MCF2L2: variants seen among roughly 807,000 people sequenced by gnomAD.
The protein encoded by MCF2L2 is probable guanine nucleotide exchange factor MCF2L2.
A neutral mutation model predicts 150.2 loss-of-function variants in MCF2L2; 102 were observed. The ratio of observed to expected loss-of-function variants is 0.68; its 90% CI spans 0.58 to 0.80. The LOEUF is 0.80. Among genes scored for constraint, MCF2L2 ranks in the 30% least tolerant of loss-of-function variants. The pLI is 0.00. For missense variants in MCF2L2, 1,256 were observed against 1,372.8 expected (o/e 0.91, Z 1.34); for synonymous variants, 465 against 491.3 (o/e 0.95, Z 0.71).
intron 3 of MCF2L2, among the ~76,000 whole-genome samples, chr3:183,368,355 T>G (rs1712663302): frequency 6.6e-6 from 1 of 152,170 alleles, no homozygotes; most frequent in Non-Finnish European, 1.5e-5. Flanking sequence ...CACCCCACTC[T>G]CATCTTTGTA....
chr3:183,212,387 T>G (rs530150448), intron 22 of MCF2L2, among the ~76,000 whole-genome samples: 1 of 152,264 alleles, frequency 6.6e-6, no homozygotes, highest in African/African-American at 2.4e-5. Context: ...AACCTGATGG[T>G]TGTGAACTCA....
chr3:183,338,893 G>C lies in MCF2L2; in HGVS notation c.393C>G (p.Leu131=), dbSNP rs1312631129. The change falls in exon 5 of 30, where the codon CTC becomes CTG. Residue 131 remains leucine, a synonymous_variant. Transcript: ENST00000328913. ...IAVAFPGNLQ[L]IFILRPSRFI... is the part of the protein sequence containing the mutation. ...AGCGAGATGGACGAAGGATGAATATGAGCTGTAAGTTTCCTGGAAATGCCA... is the reference window on the plus strand; with the variant it reads ...AGCGAGATGGACGAAGGATGAATATCAGCTGTAAGTTTCCTGGAAATGCCA... 2 of 1,603,528 alleles carry C rather than the reference G, an allele frequency of 1.2e-6. No homozygotes were observed. Among genetic ancestry groups the C allele is most frequent in the Non-Finnish European group, 1.7e-6 (2 of 1,172,480 alleles).
At chr3:183,317,478 C>T (rs778078629) in intron 7 of MCF2L2, among the ~76,000 whole-genome samples, 15 of 152,126 alleles carry the variant, frequency 9.9e-5, no homozygotes, top group Non-Finnish European at 1.6e-4. Flanking sequence ...CAGGTTCTGA[C>T]GTGCTTTTAC....
chr3:183,347,218 T>C (rs1730934000), intron 3 of MCF2L2, among the ~76,000 whole-genome samples: 1 of 152,000 alleles, frequency 6.6e-6, no homozygotes, highest in African/African-American at 2.4e-5. Context: ...TATAGACCAA[T>C]GGAACAGAAC....
In MCF2L2 at chr3:183,306,880, C is replaced by T. The variant is rs549303812; in HGVS notation, c.1113+2836G>A. 4.1e-4 allele frequency among the ~76,000 whole-genome samples: 63 copies of T among 152,348 alleles called. 1 individual carries two copies. The highest frequency in any genetic ancestry group is 1.4e-3 in the African/African-American group (59 of 41,584). Reference sequence around the variant, plus strand: ...GCTGAAATCAGGTGGTTCCTCCACCCTGTCCTGGTCTGTTCCCTGCTGGCC... The same window carrying T: ...GCTGAAATCAGGTGGTTCCTCCACCTTGTCCTGGTCTGTTCCCTGCTGGCC... On this transcript the variant is annotated intron_variant, in intron 10 of 29. Coordinates refer to ENST00000328913, the MANE Select transcript of MCF2L2 (RefSeq NM_015078.4).
intron 25 of MCF2L2, among the ~76,000 whole-genome samples, chr3:183,200,995 G>C (rs1471395247): frequency 6.6e-6 from 1 of 152,046 alleles, no homozygotes; most frequent in Non-Finnish European, 1.5e-5. Context: ...CTCTGTTTTT[G>C]GTACCAGTAC....
chr3:183,216,802 G>A (rs575549090), intron 21 of MCF2L2, among the ~76,000 whole-genome samples: 108 of 149,600 alleles, frequency 7.2e-4, no homozygotes, highest in African/African-American at 2.1e-3. Flanking sequence ...ACGGAGTTTC[G>A]CCATGTTGAC....
intron 25 of MCF2L2, among the ~76,000 whole-genome samples, chr3:183,201,248 C>T (rs1722270211): frequency 6.6e-6 from 1 of 152,178 alleles, no homozygotes; most frequent in Non-Finnish European, 1.5e-5. Context: ...TTGATTCTTC[C>T]TATCCATGAG....
At chr3:183,338,447 C>CAAAAAAA (rs58920831) in intron 5 of MCF2L2, among the ~76,000 whole-genome samples, 5 of 104,676 alleles carry the variant, frequency 4.8e-5, no homozygotes, top group Admixed American at 1.1e-4. Context: ...AACTCTATCT[C>CAAAAAAA]AAAAAAAAAA....
intron 3 of MCF2L2, among the ~76,000 whole-genome samples, chr3:183,343,608 G>A (rs1045426972): frequency 3.9e-5 from 6 of 151,956 alleles, no homozygotes; most frequent in Non-Finnish European, 7.4e-5. Context: ...GACCTCAGGC[G>A]ATCCACCCAC....
chr3:183,361,046 A>AG (rs1560040241), intron 3 of MCF2L2, among the ~76,000 whole-genome samples: 6 of 151,048 alleles, frequency 4.0e-5, no homozygotes, highest in African/African-American at 1.2e-4. Context: ...GAAGAAAGGA[A>AG]AGGAAAGGAA....
At chr3:183,308,351 T>A (rs946919668) in intron 10 of MCF2L2, among the ~76,000 whole-genome samples, 2 of 152,218 alleles carry the variant, frequency 1.3e-5, no homozygotes, top group Admixed American at 6.5e-5. Flanking sequence ...AGTATCTATA[T>A]TCAGTAAAAA....
Position 183,395,922 on chromosome 3 carries a change from AAAAAAAAAAAAAAAAAG to A in MCF2L2, c.77-6160_77-6144del, listed in dbSNP as rs1320251708. Reference sequence around the variant, plus strand: ...AACAGCGCAAGACATCGTCTCAAAAAAAAAAAAAAAAAAAAAGAAAGAAAGAAAGAAAGAAAGAAATG... The same window carrying A: ...AACAGCGCAAGACATCGTCTCAAAAAAAAGAAAGAAAGAAAGAAAGAAATG... On this transcript the variant is annotated intron_variant, in intron 1 of 29. Coordinates refer to ENST00000328913, the MANE Select transcript of MCF2L2 (RefSeq NM_015078.4). Among the ~76,000 whole-genome samples the A allele has an allele frequency of 3.7e-5, 5 of 135,666 alleles. No homozygotes were observed. In the Admixed American group the frequency reaches 3.8e-4, roughly 10 times the overall value. 89.0% of individuals were successfully genotyped at this position (135,666 alleles called of 152,430 possible). A position where few individuals can be genotyped will look rare whatever the true frequency, so the allele number is the denominator to read the frequency against.
chr3:183,199,893 T>C (rs1330395387), intron 25 of MCF2L2, among the ~76,000 whole-genome samples: 1 of 151,710 alleles, frequency 6.6e-6, no homozygotes, highest in Non-Finnish European at 1.5e-5. Flanking sequence ...TTTCTGTCCT[T>C]GCGATAGTTT....
At chr3:183,276,803 AAG>A (rs1222003040) in intron 15 of MCF2L2, 67 bp downstream of exon 15, 17 of 1,070,876 alleles carry the variant, frequency 1.6e-5, no homozygotes, top group Non-Finnish European at 1.8e-5. Context: ...TGAGGTGTAA[AAG>A]AGAGGATCCT....
Position 183,289,205 on chromosome 3 carries a change from G to C in MCF2L2, c.1691C>G (p.Pro564Arg). The change falls in exon 14 of 30, where the codon CCT becomes CGT. Residue 564 changes from proline (P) to arginine (R), a missense_variant. Physicochemically the swap from Pro to Arg is moderately radical, Grantham distance 103. Coordinates refer to ENST00000328913, the MANE Select transcript of MCF2L2 (RefSeq NM_015078.4). ...QPSTSVPLAR[P>R]LRTSEEPYTE... ...ATAAGGTTCCTCAGACGTTCTCAGA[G>C]GACGAGCTAGAGGGACTAAGAGAAC... 6.2e-7 allele frequency: 1 copy of C among 1,613,018 alleles called. No homozygotes were observed.
At position 183,181,198 on chromosome 3, in the gene MCF2L2, T is replaced by A. The variant is rs1721506756; in HGVS notation, c.3017-1039A>T. On this transcript the variant is annotated intron_variant, in intron 27 of 29. Transcript: ENST00000328913. The surrounding 1 kb of genome is among the most constrained non-coding windows in gnomAD (Gnocchi z 4.3). The stretch of plus-strand genomic sequence containing the variant: ...GGCAGTGGAGGGAGCTGCAGTTATC[T>A]GGGTGAGCAGGCAGCACAAGTAGCG... Among the ~76,000 whole-genome samples, 1 of 152,030 alleles carries A rather than the reference T, an allele frequency of 6.6e-6. No individual in the cohort carries two copies. The highest frequency in any genetic ancestry group is 2.1e-4 in the South Asian group (1 of 4,828).
chr3:183,391,460 G>C (rs1714144023), intron 1 of MCF2L2, among the ~76,000 whole-genome samples: 1 of 152,078 alleles, frequency 6.6e-6, no homozygotes, highest in Non-Finnish European at 1.5e-5. Flanking sequence ...CATTCGGTGG[G>C]TGTAATAACG....
intron 13 of MCF2L2, among the ~76,000 whole-genome samples, chr3:183,292,349 G>A (rs1235722094): frequency 6.6e-6 from 1 of 152,006 alleles, no homozygotes; most frequent in Non-Finnish European, 1.5e-5. Context: ...GAGCCCAGGA[G>A]TTCGAAACCT....
Sources: allele counts gnomAD v4.1 joint callset (sites outside exome capture counted in the v4.1 genomes callset), GRCh38; gene constraint gnomAD v4.1.1; non-coding constraint Gnocchi (gnomAD v3.1); transcripts MANE v1.5; gene names NCBI Gene and HGNC (gene_info 2026-07-23, HGNC 2026-07-21).